The following KCNAB1 variants were observed in gnomAD, a reference collection of about 807,000 sequenced individuals.
The protein encoded by KCNAB1 is potassium voltage-gated channel subfamily A regulatory beta subunit 1.
KCNAB1 carries 35 observed loss-of-function variants against 64.6 expected under a neutral mutation model. The ratio of observed to expected loss-of-function variants is 0.54; its 90% CI spans 0.41 to 0.72. The LOEUF is 0.72. Ranked by LOEUF, KCNAB1 falls within the 30% of genes least tolerant of loss-of-function variation. The pLI, the probability that KCNAB1 is intolerant of heterozygous loss-of-function variation, is 0.00. For missense variants in KCNAB1, 401 were observed against 512.9 expected (o/e 0.78, Z 2.11); for synonymous variants, 177 against 183.8 (o/e 0.96, Z 0.30).
chr3:156,140,471 A>G (rs1473637486), intron 1 of KCNAB1, among the ~76,000 whole-genome samples: 1 of 152,124 alleles, frequency 6.6e-6, no homozygotes, highest in African/African-American at 2.4e-5. Flanking sequence ...GTGTCCTTAC[A>G]TGGTGAAAAG....
At position 156,503,263 on chromosome 3, in the gene KCNAB1, G is replaced by T. The variant is rs1369007285; in HGVS notation, c.659-11101G>T. Among the ~76,000 whole-genome samples, 8 of 152,324 alleles carry T rather than the reference G, an allele frequency of 5.3e-5. No homozygotes were observed. In the East Asian group the frequency reaches 1.5e-3, roughly 29 times the overall value. ...CATAATTATTTCTTGGAGCATGTCA[G>T]CAGGCAGTGGTAAGTCTAGGTGAGA... is the stretch of plus-strand genomic sequence containing the variant. On this transcript the variant is annotated intron_variant, in intron 8 of 13. Transcript: ENST00000490337.
At chr3:156,233,469 A>G (rs917949086) in intron 1 of KCNAB1, among the ~76,000 whole-genome samples, 24 of 152,270 alleles carry the variant, frequency 1.6e-4, no homozygotes, top group Admixed American at 1.4e-3. Context: ...CTGGAGGGAG[A>G]GGGCAGGAAG....
intron 1 of KCNAB1, among the ~76,000 whole-genome samples, chr3:156,153,929 A>G (rs912016300): frequency 5.9e-5 from 9 of 152,338 alleles, no homozygotes; most frequent in African/African-American, 2.2e-4. Context: ...CTTATAATCA[A>G]TCAATTAATC....
At chr3:156,244,308 T>G (rs1303515386) in intron 1 of KCNAB1, among the ~76,000 whole-genome samples, 1 of 152,206 alleles carries the variant, frequency 6.6e-6, no homozygotes, top group Non-Finnish European at 1.5e-5. Context: ...CAGTTCTGTC[T>G]TCACCTCTCC....
At chr3:156,180,914 A>G (rs1185093655) in intron 1 of KCNAB1, among the ~76,000 whole-genome samples, 1 of 152,194 alleles carries the variant, frequency 6.6e-6, no homozygotes, top group East Asian at 1.9e-4. Context: ...TGACTGAGGA[A>G]CAGAAATTTA....
chr3:156,242,925 T>A lies in KCNAB1; in HGVS notation c.275+122039T>A, dbSNP rs1379544396. 3.9e-5 allele frequency among the ~76,000 whole-genome samples: 6 copies of A among 152,174 alleles called. No homozygotes were observed. The East Asian group carries it at 1.2e-3, about 29-fold the overall frequency. On this transcript the variant is annotated intron_variant, in intron 1 of 13. Transcript: ENST00000490337. ...ATTTTTTATTTTATTTTATTTTATTTTTGAGATGGAGTCTTGCTCTGTCAC... is the reference window on the plus strand; with the variant it reads ...ATTTTTTATTTTATTTTATTTTATTATTGAGATGGAGTCTTGCTCTGTCAC...
intron 1 of KCNAB1, among the ~76,000 whole-genome samples, chr3:156,121,217 A>G (rs758994122): frequency 3.3e-5 from 5 of 152,214 alleles, no homozygotes; most frequent in Admixed American, 6.5e-5. Flanking sequence ...CAAAATAACT[A>G]CAAAAAAGAG....
At chr3:156,350,817 C>A (rs958248263) in intron 1 of KCNAB1, among the ~76,000 whole-genome samples, 6 of 152,246 alleles carry the variant, frequency 3.9e-5, no homozygotes, top group African/African-American at 1.4e-4. Flanking sequence ...TCTGGTTAAT[C>A]ATTAAATAAT....
chr3:156,284,313 A>G lies in KCNAB1; in HGVS notation c.276-137303A>G, dbSNP rs574858649. ...GGGTCAGGGACCCACTTGAGGAGGC[A>G]GTCTGCCCGTTCTCAGATCTCCAGC... is the stretch of plus-strand genomic sequence containing the variant. On this transcript the variant is annotated intron_variant, in intron 1 of 13. Transcript: ENST00000490337. Among the ~76,000 whole-genome samples the G allele has an allele frequency of 2.8e-4, 43 of 152,302 alleles. No homozygotes were observed. The East Asian group carries it at 6.6e-3, about 23-fold the overall frequency.
At chr3:156,182,945 G>C (rs1712962609) in intron 1 of KCNAB1, among the ~76,000 whole-genome samples, 1 of 152,076 alleles carries the variant, frequency 6.6e-6, no homozygotes, top group Non-Finnish European at 1.5e-5. Context: ...TGATTCGCCT[G>C]CCTCAGCCTC....
intron 1 of KCNAB1, among the ~76,000 whole-genome samples, chr3:156,216,039 A>G (rs939422326): frequency 2.6e-5 from 4 of 152,174 alleles, no homozygotes; most frequent in Non-Finnish European, 5.9e-5. Flanking sequence ...TGCTTCTGGA[A>G]AAGCCTTTGG....
chr3:156,505,308 G>C (rs370613990), intron 8 of KCNAB1, among the ~76,000 whole-genome samples: 1 of 152,082 alleles, frequency 6.6e-6, no homozygotes, highest in Non-Finnish European at 1.5e-5. Flanking sequence ...CTATATCTTT[G>C]TAGTATATTT....
chr3:156,220,046 C>G (rs4355235), intron 1 of KCNAB1, among the ~76,000 whole-genome samples: 84,642 of 151,900 alleles, frequency 0.56, 24,413 homozygotes, highest in East Asian at 0.9. Flanking sequence ...AGGACATGAA[C>G]TCATCCTTTT....
intron 1 of KCNAB1, among the ~76,000 whole-genome samples, chr3:156,290,000 C>T (rs74988128): frequency 0.024 from 3,683 of 152,224 alleles, 168 homozygotes; most frequent in African/African-American, 0.086. Context: ...AGGAGGGTCG[C>T]CTGGGCACCC....
At chr3:156,442,510 TA>T (rs1234745893) in intron 2 of KCNAB1, among the ~76,000 whole-genome samples, 1 of 152,194 alleles carries the variant, frequency 6.6e-6, no homozygotes, top group Non-Finnish European at 1.5e-5. Flanking sequence ...CTGAAATACA[TA>T]AACCTTAAAT....
At chr3:156,457,744 C>A (rs1712556489) in intron 4 of KCNAB1, among the ~76,000 whole-genome samples, 1 of 152,110 alleles carries the variant, frequency 6.6e-6, no homozygotes, top group African/African-American at 2.4e-5. Flanking sequence ...TGCTTCTGGA[C>A]CCTGTATGAA....
intron 1 of KCNAB1, among the ~76,000 whole-genome samples, chr3:156,392,827 C>T (rs1001970497): frequency 2.0e-5 from 3 of 152,134 alleles, no homozygotes; most frequent in Non-Finnish European, 4.4e-5. Flanking sequence ...TATGAAATAT[C>T]CTTTTCACAT....
At chr3:156,438,798 G>A (rs1576866355) in intron 2 of KCNAB1, among the ~76,000 whole-genome samples, 2 of 152,026 alleles carry the variant, frequency 1.3e-5, no homozygotes, top group Admixed American at 6.6e-5. Context: ...GGCCGATCAC[G>A]ATGTCAGGAA....
At chr3:156,206,946 A>G (rs1162223353) in intron 1 of KCNAB1, among the ~76,000 whole-genome samples, 1 of 152,250 alleles carries the variant, frequency 6.6e-6, no homozygotes, top group East Asian at 1.9e-4. Flanking sequence ...CAAGGAGCCT[A>G]TCAGAGAATT....
Sources: gnomAD v4.1 joint callset for allele counts (sites outside exome capture counted in the v4.1 genomes callset) on GRCh38, gnomAD v4.1.1 for gene constraint, MANE v1.5 for transcripts, NCBI Gene and HGNC (gene_info 2026-07-23, HGNC 2026-07-21) for gene names.